Variants in KDM4C observed in about 807,000 individuals in gnomAD.
The protein encoded by KDM4C is lysine demethylase 4C, also known as lysine-specific demethylase 4C.
Under a neutral mutation model 129.3 loss-of-function variants are expected in KDM4C, and 81 were observed. The observed-to-expected ratio is 0.63, with a 90% CI of 0.52 to 0.75. The LOEUF (loss-of-function observed/expected upper bound fraction) is 0.75, where lower values mean the gene tolerates loss of function less well. Ranked by LOEUF, KDM4C falls within the 30% of genes least tolerant of loss-of-function variation. KDM4C has a pLI of 0.00. For synonymous variants in KDM4C, 573 were observed against 456.1 expected (o/e 1.26, Z -3.26); for missense variants, 1,457 against 1,304.0 (o/e 1.12, Z -1.81).
At chr9:6,928,849 C>T (rs10975904) in intron 8 of KDM4C, among the ~76,000 whole-genome samples, 1 of 152,174 alleles carries the variant, frequency 6.6e-6, no homozygotes, top group East Asian at 1.9e-4. Context: ...TGAGGTTTCC[C>T]TATGGAAGTA....
Position 7,090,502 on chromosome 9 carries a change from TA to T in KDM4C, c.2425-13174del, listed in dbSNP as rs765094567. On this transcript the variant is annotated intron_variant, in intron 17 of 21. Coordinates refer to ENST00000381309, the MANE Select transcript of KDM4C (RefSeq NM_015061.6). ...AAGTAAATTGCTTGTGGGTTCTTGC[TA>T]AAAAAAAATAATTCCTCTGGTGCTA... Among the ~76,000 whole-genome samples the T allele has an allele frequency of 5.8e-4, 88 of 151,374 alleles. 1 individual carries two copies. Among genetic ancestry groups the T allele is most frequent in the South Asian group, 1.0e-3 (5 of 4,776 alleles).
At chr9:6,752,310 G>T (rs552062462) in intron 1 of KDM4C, among the ~76,000 whole-genome samples, 143 of 116,168 alleles carry the variant, frequency 1.2e-3, no homozygotes, top group African/African-American at 4.9e-3. Flanking sequence ...TCCAGCCTGG[G>T]CGACAGAGCG....
chr9:7,046,991 G>A (rs1030635053), intron 16 of KDM4C, 74 bp downstream of exon 16: 18 of 1,050,460 alleles, frequency 1.7e-5, no homozygotes, highest in South Asian at 1.3e-4. Flanking sequence ...ATGACAGTTC[G>A]CTTTACCTCT....
intron 2 of KDM4C, among the ~76,000 whole-genome samples, chr9:6,802,917 T>C (rs1189379775): frequency 6.6e-6 from 1 of 152,244 alleles, no homozygotes; most frequent in Non-Finnish European, 1.5e-5. Flanking sequence ...TAGGCCGTTA[T>C]ATTTAAATCT....
rs994052287 is a variant in KDM4C, at chr9:6,947,158, C to T, written c.922-33767C>T. ...TCTGGGAGGTGTTTACATTCACTTG[C>T]GCCAAATTTCTCTGAAGAATGTCAC... On this transcript the variant is annotated intron_variant, in intron 8 of 21. Transcript: ENST00000381309. Among the ~76,000 whole-genome samples the T allele has an allele frequency of 3.9e-5, 6 of 152,250 alleles. No individual in the cohort carries two copies. In the South Asian group the frequency reaches 1.2e-3, roughly 32 times the overall value.
chr9:6,842,910 G>A (rs775953639), intron 4 of KDM4C, among the ~76,000 whole-genome samples: 1 of 152,056 alleles, frequency 6.6e-6, no homozygotes, highest in African/African-American at 2.4e-5. Context: ...ACTTCCTGCT[G>A]TGTTCTTGTA....
chr9:7,174,770 G>T lies in KDM4C; in HGVS notation c.*41G>T. The T allele has an allele frequency of 6.4e-7, 1 of 1,567,740 alleles. No individual in the cohort carries two copies. ...GCAGGCCACAGAGCAGCTTGGGTTG[G>T]AAGAGAGAAGATGAAGGGACATCCT... On this transcript the variant is annotated 3_prime_UTR_variant, in exon 22 of 22. Transcript: ENST00000381309.
At chr9:6,800,662 T>A (rs1828769069) in intron 2 of KDM4C, among the ~76,000 whole-genome samples, 1 of 152,220 alleles carries the variant, frequency 6.6e-6, no homozygotes, top group Admixed American at 6.5e-5. Flanking sequence ...GGTCTTGCTC[T>A]GTCACCCAGG....
At chr9:6,882,959 C>T (rs761509629) in intron 6 of KDM4C, among the ~76,000 whole-genome samples, 2 of 152,088 alleles carry the variant, frequency 1.3e-5, no homozygotes, top group Non-Finnish European at 2.9e-5. Flanking sequence ...GACAGGCATT[C>T]AGTGGACTCT....
At position 7,028,503 on chromosome 9, in the gene KDM4C, A is replaced by G. The variant is rs565051421; in HGVS notation, c.2259+12574A>G. Reference sequence around the variant, plus strand: ...TTTACTCTCTCTTCTCCTCTCCTCAAGCAGAAGGAAGGGATCTCTTTAATT... The same window carrying G: ...TTTACTCTCTCTTCTCCTCTCCTCAGGCAGAAGGAAGGGATCTCTTTAATT... On this transcript the variant is annotated intron_variant, in intron 15 of 21. Coordinates refer to ENST00000381309, the MANE Select transcript of KDM4C (RefSeq NM_015061.6). Among the ~76,000 whole-genome samples the G allele has an allele frequency of 4.0e-5, 6 of 151,584 alleles. No homozygotes were observed. In the South Asian group the frequency reaches 1.0e-3, roughly 26 times the overall value.
intron 8 of KDM4C, among the ~76,000 whole-genome samples, chr9:6,929,100 G>A (rs1185182992): frequency 3.9e-5 from 6 of 152,150 alleles, no homozygotes; most frequent in Admixed American, 6.5e-5. Context: ...TTCCTCTTTT[G>A]TGAAGATTTA....
At chr9:6,953,850 T>C (rs188031388) in intron 8 of KDM4C, among the ~76,000 whole-genome samples, 39 of 152,330 alleles carry the variant, frequency 2.6e-4, no homozygotes, top group East Asian at 5.8e-4. Context: ...CTCATCATCA[T>C]TACATATTCA....
chr9:6,881,105 C>G (rs926997102), intron 6 of KDM4C, among the ~76,000 whole-genome samples: 2 of 152,100 alleles, frequency 1.3e-5, no homozygotes, highest in African/African-American at 4.8e-5. Flanking sequence ...TTGTTCCTGC[C>G]TTATATGTGC....
intron 19 of KDM4C, among the ~76,000 whole-genome samples, chr9:7,146,480 C>G (rs562029367): frequency 6.6e-6 from 1 of 152,178 alleles, no homozygotes; most frequent in South Asian, 2.1e-4. Flanking sequence ...CATCTTGAAG[C>G]TCTCTGGAAT....
At chr9:6,751,796 C>G (rs1563928145) in intron 1 of KDM4C, among the ~76,000 whole-genome samples, 1 of 152,086 alleles carries the variant, frequency 6.6e-6, no homozygotes, top group African/African-American at 2.4e-5. Flanking sequence ...GCTCATTGAT[C>G]AGACAGAATA....
rs117415258 is a variant in KDM4C at position 6,858,114 on chromosome 9, C to T, written c.629+8414C>T. ...GGATTACAGGTTTGAGCCACTATGC[C>T]TGGCAGTAACCTGCTATATTGATGG... On this transcript the variant is annotated intron_variant, in intron 5 of 21. Coordinates refer to ENST00000381309, the MANE Select transcript of KDM4C (RefSeq NM_015061.6). 7.5e-3 allele frequency among the ~76,000 whole-genome samples: 1,141 copies of T among 152,030 alleles called. 12 individuals are homozygous for T. The highest frequency in any genetic ancestry group is 0.012 in the Non-Finnish European group (784 of 67,982).
In KDM4C at chr9:6,814,132, T is replaced by C. The variant is rs146859790; in HGVS notation, c.321-499T>C. Among the ~76,000 whole-genome samples the C allele has an allele frequency of 9.7e-4, 147 of 152,292 alleles. 1 individual carries two copies. Among genetic ancestry groups the C allele is most frequent in the East Asian group, 6.9e-3 (36 of 5,192 alleles). Reference sequence around the variant, plus strand: ...TGGTTTTGCCAGCTTATATTCCCACTCTAGTTGTCTAAGAGGTGTCATTAT... The same window carrying C: ...TGGTTTTGCCAGCTTATATTCCCACCCTAGTTGTCTAAGAGGTGTCATTAT... On this transcript the variant is annotated intron_variant, in intron 3 of 21. Transcript: ENST00000381309.
intron 8 of KDM4C, among the ~76,000 whole-genome samples, chr9:6,924,454 C>T (rs940016872): frequency 2.6e-5 from 4 of 152,182 alleles, no homozygotes; most frequent in African/African-American, 9.7e-5. Context: ...CTGCAGCGCT[C>T]TGTTGGACTT....
intron 5 of KDM4C, among the ~76,000 whole-genome samples, chr9:6,860,510 T>C (rs1840727424): frequency 1.3e-5 from 2 of 152,186 alleles, no homozygotes; most frequent in Admixed American, 6.5e-5. Flanking sequence ...AACTACTGGG[T>C]ACTAGGCTTA....
Sources: gnomAD v4.1 joint callset for allele counts (sites outside exome capture counted in the v4.1 genomes callset) on GRCh38, gnomAD v4.1.1 for gene constraint, MANE v1.5 for transcripts, NCBI Gene and HGNC (gene_info 2026-07-23, HGNC 2026-07-21) for gene names.